Variants in KCNN2 observed in about 807,000 individuals in gnomAD.
KCNN2 encodes the protein small conductance calcium-activated potassium channel protein 2.
A neutral mutation model predicts 55.5 loss-of-function variants in KCNN2; 24 were observed. The ratio of observed to expected loss-of-function variants is 0.43; its 90% CI spans 0.31 to 0.61. The LOEUF is 0.61. Among genes scored for constraint, KCNN2 ranks in the 20% least tolerant of loss-of-function variants. KCNN2 has a pLI of 0.08. For synonymous variants in KCNN2, 431 were observed against 336.1 expected (o/e 1.28, Z -3.09); for missense variants, 754 against 853.6 (o/e 0.88, Z 1.45).
At chr5:114,085,862 C>T (rs190470861) in intron 1 of KCNN2, among the ~76,000 whole-genome samples, 187 of 151,962 alleles carry the variant, frequency 1.2e-3, no homozygotes, top group Admixed American at 2.2e-3. Context: ...TTATCCGTTC[C>T]TTTTTTAAGT....
At chr5:114,366,537 C>T (rs36948) in intron 2 of KCNN2, among the ~76,000 whole-genome samples, 112,725 of 152,030 alleles carry the variant, frequency 0.74, 42,130 homozygotes, top group East Asian at 0.97. Context: ...AAGGGCCAAA[C>T]AAATGTGAAG....
chr5:114,131,928 T>G (rs1308180685), intron 1 of KCNN2, among the ~76,000 whole-genome samples: 1 of 152,252 alleles, frequency 6.6e-6, no homozygotes, highest in African/African-American at 2.4e-5. Context: ...AAATGTCTTC[T>G]TTTAAAAGTA....
intron 2 of KCNN2, among the ~76,000 whole-genome samples, chr5:114,290,311 A>AT (rs1755857233): frequency 6.6e-6 from 1 of 152,124 alleles, no homozygotes; most frequent in African/African-American, 2.4e-5. Flanking sequence ...ATTTATTCTC[A>AT]AATCAGTTTT....
intron 1 of KCNN2, among the ~76,000 whole-genome samples, chr5:114,193,077 A>G (rs887101216): frequency 6.6e-5 from 10 of 152,182 alleles, no homozygotes; most frequent in African/African-American, 2.4e-4. Flanking sequence ...TACTTATACT[A>G]GTAAAATATG....
intron 1 of KCNN2, among the ~76,000 whole-genome samples, chr5:114,177,288 C>A (rs1477681710): frequency 2.6e-5 from 4 of 152,138 alleles, no homozygotes; most frequent in African/African-American, 7.2e-5. Context: ...CAGGAGCCCG[C>A]CACCGCGCCC....
intron 3 of KCNN2, among the ~76,000 whole-genome samples, chr5:114,462,817 C>A (rs1183464826): frequency 6.6e-6 from 1 of 152,148 alleles, no homozygotes; most frequent in African/African-American, 2.4e-5. Flanking sequence ...GTGAGGAAAT[C>A]TGTTTTATAT....
chr5:114,108,803 G>A (rs1751538371), intron 1 of KCNN2, among the ~76,000 whole-genome samples: 1 of 151,936 alleles, frequency 6.6e-6, no homozygotes, highest in African/African-American at 2.4e-5. Flanking sequence ...TCAGTTTGGG[G>A]CTTTTGTGGT....
chr5:114,357,383 T>C (rs1379947335), upstream of KCNN2, among the ~76,000 whole-genome samples: 2 of 144,106 alleles, frequency 1.4e-5, no homozygotes, highest in Non-Finnish European at 3.0e-5. Context: ...TGTGCCATGC[T>C]GGTGCGCTGC....
At chr5:114,226,703 C>A (rs931183582) in intron 2 of KCNN2, among the ~76,000 whole-genome samples, 1 of 151,786 alleles carries the variant, frequency 6.6e-6, no homozygotes, top group African/African-American at 2.4e-5. Flanking sequence ...GAGATCGAGA[C>A]CATCCTGGCT....
intron 2 of KCNN2, among the ~76,000 whole-genome samples, chr5:114,341,052 A>G (rs1183552926): frequency 6.6e-6 from 1 of 152,188 alleles, no homozygotes; most frequent in Admixed American, 6.5e-5. Flanking sequence ...TTCATCGTCT[A>G]TATGTATATA....
At chr5:114,419,566 T>C (rs1174266987) in intron 3 of KCNN2, among the ~76,000 whole-genome samples, 2 of 152,254 alleles carry the variant, frequency 1.3e-5, no homozygotes, top group African/African-American at 4.8e-5. Flanking sequence ...AAACTACTTT[T>C]GGTACCAATG....
At chr5:114,286,260 G>T (rs1755747516) in intron 2 of KCNN2, among the ~76,000 whole-genome samples, 1 of 152,138 alleles carries the variant, frequency 6.6e-6, no homozygotes. Flanking sequence ...AATTATATGG[G>T]AAGGGCAGGA....
rs146055448 is a variant in KCNN2, at chr5:114,084,957, A to G, written c.-271+28457A>G. Among the ~76,000 whole-genome samples the G allele has an allele frequency of 7.0e-3, 1,068 of 151,930 alleles. 13 individuals carry two copies. The highest frequency in any genetic ancestry group is 0.024 in the African/African-American group (1,016 of 41,490). On this transcript the variant is annotated intron_variant, in intron 1 of 10. Transcript: ENST00000512097. The stretch of plus-strand genomic sequence containing the variant: ...GCCTTTACTCCTTTGTCAGCAATCA[A>G]TTGACTCTACTTGTGTGAACCTATT...
rs191831635 is a variant in KCNN2, at chr5:114,457,058, T to A, written c.1638-5991T>A. On this transcript the variant is annotated intron_variant, in intron 3 of 7. Coordinates refer to ENST00000673685, the MANE Select transcript of KCNN2 (RefSeq NM_021614.4). ...GGTTTGGGAGGATTGATTCCAATTT[T>A]GAAAGAAGTTCTATGGGTAAAATGC... 3.9e-5 allele frequency among the ~76,000 whole-genome samples: 6 copies of A among 152,348 alleles called. No homozygotes were observed. The East Asian group carries it at 1.2e-3, about 29-fold the overall frequency.
At chr5:114,060,915 A>G (rs946882211) in intron 1 of KCNN2, among the ~76,000 whole-genome samples, 1 of 152,192 alleles carries the variant, frequency 6.6e-6, no homozygotes, top group Non-Finnish European at 1.5e-5. Flanking sequence ...CAGCCTCCTT[A>G]CTCAGTAGGG....
intron 2 of KCNN2, among the ~76,000 whole-genome samples, chr5:114,250,986 T>G (rs1424061171): frequency 6.6e-6 from 1 of 152,180 alleles, no homozygotes; most frequent in Non-Finnish European, 1.5e-5. Flanking sequence ...CAAGCTGTAT[T>G]TATACCAATA....
intron 6 of KCNN2, among the ~76,000 whole-genome samples, chr5:114,488,275 G>A (rs1747672234): frequency 6.6e-6 from 1 of 152,084 alleles, no homozygotes; most frequent in South Asian, 2.1e-4. Flanking sequence ...GGCAGGCTCT[G>A]CACGTATGGT....
At chr5:114,338,508 A>G (rs1561576607) in intron 2 of KCNN2, among the ~76,000 whole-genome samples, 1 of 152,208 alleles carries the variant, frequency 6.6e-6, no homozygotes, top group Non-Finnish European at 1.5e-5. Context: ...ATAGATAAAA[A>G]TGTTGAAACT....
At chr5:114,092,922 G>T (rs1843794) in intron 1 of KCNN2, among the ~76,000 whole-genome samples, 4,041 of 152,272 alleles carry the variant, frequency 0.027, 185 homozygotes, top group African/African-American at 0.091. Flanking sequence ...AAGGGCTGCC[G>T]TGAAGACCTC....
Sources: allele counts gnomAD v4.1 joint callset (sites outside exome capture counted in the v4.1 genomes callset), GRCh38; gene constraint gnomAD v4.1.1; transcripts MANE v1.5; gene names NCBI Gene and HGNC (gene_info 2026-07-23, HGNC 2026-07-21).